Variants in AADACL4 observed in about 807,000 individuals in gnomAD.
The protein encoded by AADACL4 is arylacetamide deacetylase-like 4.
AADACL4 carries 9 observed loss-of-function variants against 14.1 expected under a neutral mutation model. The ratio of observed to expected loss-of-function variants is 0.64; its 90% CI spans 0.39 to 1.12. AADACL4 has a LOEUF of 1.12. Ranked by LOEUF, AADACL4 falls within the 50% of genes most tolerant of loss-of-function variation. The pLI is 0.01. For synonymous variants in AADACL4, 188 were observed against 201.6 expected (o/e 0.93, Z 0.57); for missense variants, 531 against 516.1 (o/e 1.03, Z -0.28).
At chr1:12,645,790 C>T (rs967167308) in intron 1 of AADACL4, among the ~76,000 whole-genome samples, 18 of 152,164 alleles carry the variant, frequency 1.2e-4, no homozygotes, top group South Asian at 4.1e-4. Context: ...GCAATCTGCC[C>T]GCCTTGGCCT....
At chr1:12,646,906 A>G (rs143050410) in intron 1 of AADACL4, among the ~76,000 whole-genome samples, 23 of 152,214 alleles carry the variant, frequency 1.5e-4, no homozygotes, top group African/African-American at 5.5e-4. Flanking sequence ...GTTCCAGAGG[A>G]CAGATAGACA....
intron 3 of AADACL4, among the ~76,000 whole-genome samples, chr1:12,662,839 C>T (rs1647251083): frequency 6.6e-6 from 1 of 152,172 alleles, no homozygotes; most frequent in African/African-American, 2.4e-5. Flanking sequence ...AACATACCTC[C>T]CAGGTGGCTT....
chr1:12,652,867 C>G (rs1328273220), intron 2 of AADACL4, among the ~76,000 whole-genome samples: 3 of 152,218 alleles, frequency 2.0e-5, no homozygotes, highest in Non-Finnish European at 4.4e-5. Flanking sequence ...CGGTCTTAGC[C>G]AGCTTGGTCC....
intron 3 of AADACL4, among the ~76,000 whole-genome samples, chr1:12,663,021 G>A (rs1011093356): frequency 3.3e-5 from 5 of 152,126 alleles, no homozygotes; most frequent in African/African-American, 7.2e-5. Context: ...CCTGGTGCAC[G>A]GGCCAGGGCA....
intron 1 of AADACL4, among the ~76,000 whole-genome samples, chr1:12,650,537 T>C (rs1340121547): frequency 1.3e-5 from 2 of 151,606 alleles, no homozygotes; most frequent in South Asian, 2.1e-4. Context: ...CTTTTCTTTT[T>C]TTTTTTTTTT....
At chr1:12,661,366 C>T (rs79702247) in intron 2 of AADACL4, among the ~76,000 whole-genome samples, 2 of 152,298 alleles carry the variant, frequency 1.3e-5, no homozygotes, top group East Asian at 1.9e-4. Context: ...GACGGACCTG[C>T]CTCTGAGAAC....
At chr1:12,662,890 C>T (rs1308876776) in intron 3 of AADACL4, among the ~76,000 whole-genome samples, 2 of 152,194 alleles carry the variant, frequency 1.3e-5, no homozygotes, top group Admixed American at 6.5e-5. Context: ...TCTATGTCAC[C>T]AAAGCCCTTT....
chr1:12,657,507 A>G (rs754465923), intron 2 of AADACL4, among the ~76,000 whole-genome samples: 1 of 152,200 alleles, frequency 6.6e-6, no homozygotes, highest in African/African-American at 2.4e-5. Context: ...TGACACTATC[A>G]TGAGAATGAA....
intron 2 of AADACL4, among the ~76,000 whole-genome samples, chr1:12,655,395 C>G (rs1647175200): frequency 2.0e-5 from 3 of 151,972 alleles, no homozygotes; most frequent in Non-Finnish European, 4.4e-5. Context: ...CTGCCAGGAA[C>G]CTCAGGCCTC....
At chr1:12,657,556 T>G (rs939098015) in intron 2 of AADACL4, among the ~76,000 whole-genome samples, 1 of 152,084 alleles carries the variant, frequency 6.6e-6, no homozygotes, top group African/African-American at 2.4e-5. Flanking sequence ...GTACGGAGAT[T>G]TATTGCAAAG....
intron 1 of AADACL4, among the ~76,000 whole-genome samples, chr1:12,648,887 T>C (rs1647128460): frequency 6.6e-6 from 1 of 152,140 alleles, no homozygotes; most frequent in Non-Finnish European, 1.5e-5. Flanking sequence ...CGGTACAGCG[T>C]GATGTTAAAC....
chr1:12,662,436 G>T (rs1647244169), intron 3 of AADACL4, among the ~76,000 whole-genome samples: 2 of 152,170 alleles, frequency 1.3e-5, no homozygotes, highest in African/African-American at 2.4e-5. Context: ...TGATGGTTCT[G>T]CAGGTGCTTA....
intron 2 of AADACL4, among the ~76,000 whole-genome samples, chr1:12,655,302 C>G (rs1259901064): frequency 6.6e-6 from 1 of 152,042 alleles, no homozygotes; most frequent in Non-Finnish European, 1.5e-5. Context: ...GCCCCTGAGT[C>G]AATTACGAAA....
chr1:12,659,073 G>A (rs1043037459), intron 2 of AADACL4, among the ~76,000 whole-genome samples: 1 of 152,182 alleles, frequency 6.6e-6, no homozygotes, highest in African/African-American at 2.4e-5. Flanking sequence ...ATGGACCGAC[G>A]CATGGACACA....
At chr1:12,650,298 G>A (rs1265154602) in intron 1 of AADACL4, among the ~76,000 whole-genome samples, 4 of 152,122 alleles carry the variant, frequency 2.6e-5, no homozygotes, top group Non-Finnish European at 5.9e-5. Flanking sequence ...TAGAGTGACC[G>A]TATTAGTTTA....
chr1:12,652,529 G>A (rs1647155278), intron 2 of AADACL4, among the ~76,000 whole-genome samples: 1 of 152,190 alleles, frequency 6.6e-6, no homozygotes, highest in South Asian at 2.1e-4. Context: ...TGAATTCAAG[G>A]ACAAGTCAGA....
At chr1:12,661,741 G>A (rs749019836) in intron 2 of AADACL4, 50 bp from the exon 3 acceptor site, 1 of 1,574,354 alleles carries the variant, frequency 6.4e-7, no homozygotes, top group East Asian at 2.2e-5. Flanking sequence ...GTGGTGAGAT[G>A]GTTTGGGTCC....
At chr1:12,644,909 G>A (rs1647100520) in intron 1 of AADACL4, among the ~76,000 whole-genome samples, 195 bp downstream of exon 1, 1 of 138,696 alleles carries the variant, frequency 7.2e-6, no homozygotes, top group Non-Finnish European at 1.6e-5. Flanking sequence ...CCTTCCCATA[G>A]CCTGCCTGCC....
chr1:12,650,766 CAT>C (rs1647140090), intron 1 of AADACL4, among the ~76,000 whole-genome samples: 1 of 152,148 alleles, frequency 6.6e-6, no homozygotes, highest in African/African-American at 2.4e-5. Context: ...CTCTTGACCT[CAT>C]GAGCCGTCCA....
Sources: gnomAD v4.1 joint callset for allele counts (sites outside exome capture counted in the v4.1 genomes callset) on GRCh38, gnomAD v4.1.1 for gene constraint, MANE v1.5 for transcripts, NCBI Gene and HGNC (gene_info 2026-07-23, HGNC 2026-07-21) for gene names.